The following AAMP variants were observed in gnomAD, a reference collection of about 807,000 sequenced individuals.
AAMP encodes angio-associated migratory cell protein.
A neutral mutation model predicts 51.1 loss-of-function variants in AAMP; 12 were observed. The ratio of observed to expected loss-of-function variants is 0.23; its 90% CI spans 0.15 to 0.38. The LOEUF (loss-of-function observed/expected upper bound fraction) is 0.38, where lower values mean the gene tolerates loss of function less well. Among genes scored for constraint, AAMP ranks in the 10% least tolerant of loss-of-function variants. The pLI is 1.00. For synonymous variants in AAMP, 210 were observed against 218.7 expected (o/e 0.96, Z 0.35); for missense variants, 418 against 557.2 (o/e 0.75, Z 2.52).
intron 2 of AAMP, 110 bp downstream of exon 2, chr2:218,269,272 C>T: frequency 7.0e-7 from 1 of 1,428,682 alleles, no homozygotes. Flanking sequence ...CAGCGCAAGG[C>T]CAGCATCTTG....
chr2:218,266,235 T>G lies in AAMP; in HGVS notation c.680-88A>C. The G allele has an allele frequency of 7.1e-7, 1 of 1,399,870 alleles. No homozygotes were observed. Among genetic ancestry groups the G allele is most frequent in the East Asian group, 2.3e-5 (1 of 43,796 alleles). 86.7% of individuals were successfully genotyped at this position (1,399,870 alleles called of 1,614,324 possible). A position where few individuals can be genotyped will look rare whatever the true frequency, so the allele number is the denominator to read the frequency against. On this transcript the variant is annotated intron_variant, in intron 5 of 10. Transcript: ENST00000248450. The surrounding 1 kb of genome is among the most constrained non-coding windows in gnomAD (Gnocchi z 4.7). ...TGGGGAGAGGGAGAGGAAAGAAGAG[T>G]GGAAGGGCCCAGACACTGCCCCAGG...
At chr2:218,269,724 A>G (rs1209574574) in intron 1 of AAMP, 190 bp from the exon 2 acceptor site, 12 of 1,088,210 alleles carry the variant, frequency 1.1e-5, no homozygotes, top group Non-Finnish European at 1.6e-5. Context: ...CCGTGCGGTA[A>G]GGGAGGGCCA....
At position 218,267,070 on chromosome 2, in the gene AAMP, T is replaced by A; in HGVS notation, c.395-84A>T. ...CATGTGATTCTGGTATCTGGCCCAC[T>A]GAAAGGACCAGCTAGGAAAAAAAGA... On this transcript the variant is annotated intron_variant, in intron 3 of 10. Coordinates refer to ENST00000248450, the MANE Select transcript of AAMP (RefSeq NM_001087.5). This position sits in a 1 kb window ranked among gnomAD's most constrained non-coding sequence, Gnocchi z 4.6. 1.3e-6 allele frequency: 2 copies of A among 1,529,920 alleles called. No individual in the cohort carries two copies. The highest frequency in any genetic ancestry group is 1.8e-6 in the Non-Finnish European group (2 of 1,115,512). 94.8% of individuals were successfully genotyped at this position (1,529,920 alleles called of 1,614,324 possible).
rs1229031116 is a variant in AAMP at position 218,265,623 on chromosome 2, C to G, written c.939G>C (p.Glu313Asp). 1 of 1,613,854 alleles carries G rather than the reference C, an allele frequency of 6.2e-7. No homozygotes were observed. The highest frequency in any genetic ancestry group is 8.5e-7 in the Non-Finnish European group (1 of 1,180,042). Residue 313 changes from glutamate (E) to aspartate (D), a missense_variant, in exon 8 of 11, where the codon GAG becomes GAC. Transcript: ENST00000248450. This position sits in a 1 kb window ranked among gnomAD's most constrained non-coding sequence, Gnocchi z 6.6. ...VASQPSLGEG[E>D]ESESNSVESL... is the part of the protein sequence containing the mutation. Reference sequence around the variant, plus strand: ...ACTCCACCGAGTTGGACTCACTCTCCTCCCCTTCTCCCAGGCTGGGCTGGG... The same window carrying G: ...ACTCCACCGAGTTGGACTCACTCTCGTCCCCTTCTCCCAGGCTGGGCTGGG...
At position 218,266,680 on chromosome 2, in the gene AAMP, G is replaced by A; in HGVS notation, c.535-93C>T. 1 of 1,554,276 alleles carries A rather than the reference G, an allele frequency of 6.4e-7. No individual in the cohort carries two copies. Among genetic ancestry groups the A allele is most frequent in the Non-Finnish European group, 8.7e-7 (1 of 1,146,082 alleles). ...GCTCCACCCAAGGTTTCCTGCCTCT[G>A]GGGTTCCGCGGGGACTTTCCAGGTA... On this transcript the variant is annotated intron_variant, in intron 4 of 10. Coordinates refer to ENST00000248450, the MANE Select transcript of AAMP (RefSeq NM_001087.5). The surrounding 1 kb of genome is among the most constrained non-coding windows in gnomAD (Gnocchi z 4.7).
In AAMP at chr2:218,267,630, T is replaced by A. The variant is rs1690664952; in HGVS notation, c.275-17A>T. 6.2e-7 allele frequency: 1 copy of A among 1,613,992 alleles called. No homozygotes were observed. On this transcript the variant is annotated splice_polypyrimidine_tract_variant and intron_variant, in intron 2 of 10. Coordinates refer to ENST00000248450, the MANE Select transcript of AAMP (RefSeq NM_001087.5). This position sits in a 1 kb window ranked among gnomAD's most constrained non-coding sequence, Gnocchi z 4.6. ...ACACAGATGCTGTCCCAAGAGATAT[T>A]CCATGGGTAAGGGGACAGAGCTCCC...
chr2:218,266,880 C>G lies in AAMP; in HGVS notation c.501G>C (p.Glu167Asp). 6.2e-7 allele frequency: 1 copy of G among 1,614,236 alleles called. No homozygotes were observed. Among genetic ancestry groups the G allele is most frequent in the Non-Finnish European group, 8.5e-7 (1 of 1,180,042 alleles). Residue 167 changes from glutamate to aspartate, a missense_variant, in exon 4 of 11, where the codon GAG becomes GAC. Transcript: ENST00000248450. This position sits in a 1 kb window ranked among gnomAD's most constrained non-coding sequence, Gnocchi z 4.7. ...LLKVWQVDTK[E>D]EVWSFEAGDL... The stretch of plus-strand genomic sequence containing the variant: ...CTCCCGCTTCAAAGGACCAGACCTC[C>G]TCCTTAGTGTCCACCTGCCACACTT...
rs1299989728 is a variant in AAMP at position 218,267,148 on chromosome 2, A to C, written c.395-162T>G. On this transcript the variant is annotated intron_variant, in intron 3 of 10. Transcript: ENST00000248450. This position sits in a 1 kb window ranked among gnomAD's most constrained non-coding sequence, Gnocchi z 4.6. Reference sequence around the variant, plus strand: ...GGAACTCACCACCACTCTAGGAACCAATACTCCCATGTCTGCTGGGAGACA... The same window carrying C: ...GGAACTCACCACCACTCTAGGAACCCATACTCCCATGTCTGCTGGGAGACA... Among the ~76,000 whole-genome samples the C allele has an allele frequency of 1.3e-5, 2 of 152,094 alleles. No individual in the cohort carries two copies. Among genetic ancestry groups the C allele is most frequent in the African/African-American group, 4.8e-5 (2 of 41,406 alleles).
intron 2 of AAMP, among the ~76,000 whole-genome samples, chr2:218,268,834 G>A (rs1690705059): frequency 6.6e-6 from 1 of 151,694 alleles, no homozygotes; most frequent in Non-Finnish European, 1.5e-5. Context: ...GAGGAGCTGG[G>A]ACTACAGGCG....
At chr2:218,269,282 G>A (rs1473383205) in intron 2 of AAMP, 100 bp downstream of exon 2, 4 of 1,478,492 alleles carry the variant, frequency 2.7e-6, no homozygotes, top group Non-Finnish European at 3.7e-6. Flanking sequence ...CCAGCATCTT[G>A]CCCATCTCTG....
chr2:218,264,197 A>C lies in AAMP; in HGVS notation c.*336T>G. 2.6e-6 allele frequency: 1 copy of C among 382,318 alleles called. No homozygotes were observed. Among genetic ancestry groups the C allele is most frequent in the Non-Finnish European group, 4.7e-6 (1 of 210,548 alleles). The allele number at this position is 382,318 out of a possible 1,614,324, so 23.7% of individuals were successfully genotyped here. On this transcript the variant is annotated 3_prime_UTR_variant, in exon 11 of 11. Coordinates refer to ENST00000248450, the MANE Select transcript of AAMP (RefSeq NM_001087.5). ...GTATCTCTTCCTCCTTTCCACCCCC[A>C]GAGACTTGGGAAGGGAAAGAACGGG...
In AAMP at chr2:218,265,918, G is replaced by A. The variant is rs771282361; in HGVS notation, c.792C>T (p.Thr264=). The change falls in exon 7 of 11, where the codon ACC becomes ACT. Residue 264 remains threonine (T), a synonymous_variant. Transcript: ENST00000248450. This position sits in a 1 kb window ranked among gnomAD's most constrained non-coding sequence, Gnocchi z 6.6. ...TGCCATCCTGGTTGGCAGCAACACA[G>A]GTGAGTGGGCCCTGGTGACCCTCAG... ...KGTEGHQGPL[T]CVAANQDGSL... is the part of the protein sequence containing the mutation. The A allele has an allele frequency of 6.2e-7, 1 of 1,613,986 alleles. No individual in the cohort carries two copies. The highest frequency in any genetic ancestry group is 2.2e-5 in the East Asian group (1 of 44,872).
In AAMP at chr2:218,265,707, A is replaced by C; in HGVS notation, c.880-25T>G. On this transcript the variant is annotated intron_variant, in intron 7 of 10. Coordinates refer to ENST00000248450, the MANE Select transcript of AAMP (RefSeq NM_001087.5). This position sits in a 1 kb window ranked among gnomAD's most constrained non-coding sequence, Gnocchi z 6.6. ...CCTGAAAGCCAGAGAGGATCAGAGG[A>C]GGACACGGAATCCGGGTGCTTGATG... 1 of 1,606,150 alleles carries C rather than the reference A, an allele frequency of 6.2e-7. No individual in the cohort carries two copies. The highest frequency in any genetic ancestry group is 8.5e-7 in the Non-Finnish European group (1 of 1,175,030).
Position 218,265,263 on chromosome 2 carries a change from C to A in AAMP, c.1075-89G>T. The A allele has an allele frequency of 6.4e-7, 1 of 1,556,282 alleles. No individual in the cohort carries two copies. The highest frequency in any genetic ancestry group is 8.7e-7 in the Non-Finnish European group (1 of 1,149,164). On this transcript the variant is annotated intron_variant, in intron 9 of 10. Coordinates refer to ENST00000248450, the MANE Select transcript of AAMP (RefSeq NM_001087.5). This position sits in a 1 kb window ranked among gnomAD's most constrained non-coding sequence, Gnocchi z 6.6. ...CAATTCTCAAAGAGGGACAGCCACA[C>A]ACAAGGGCCAGGCAGGAGCCAGATC...
chr2:218,266,637 T>G lies in AAMP; in HGVS notation c.535-50A>C. The G allele has an allele frequency of 6.3e-7, 1 of 1,583,088 alleles. No individual in the cohort carries two copies. The highest frequency in any genetic ancestry group is 8.6e-7 in the Non-Finnish European group (1 of 1,161,568). Reference sequence around the variant, plus strand: ...GGGAGGCCCGTCACCCCATCCCACCTAGAAGCCTGCCCCATGAGCTCCACC... The same window carrying G: ...GGGAGGCCCGTCACCCCATCCCACCGAGAAGCCTGCCCCATGAGCTCCACC... On this transcript the variant is annotated intron_variant, in intron 4 of 10. Transcript: ENST00000248450. The surrounding 1 kb of genome is among the most constrained non-coding windows in gnomAD (Gnocchi z 4.7).
chr2:218,265,630 T>C lies in AAMP; in HGVS notation c.932A>G (p.Glu311Gly). Residue 311 changes from glutamate to glycine, a missense_variant, in exon 8 of 11, where the codon GAA becomes GGA. Transcript: ENST00000248450. The surrounding 1 kb of genome is among the most constrained non-coding windows in gnomAD (Gnocchi z 6.6). ...CGAGTTGGACTCACTCTCCTCCCCTTCTCCCAGGCTGGGCTGGGAGGCCAC... is the reference window on the plus strand; with the variant it reads ...CGAGTTGGACTCACTCTCCTCCCCTCCTCCCAGGCTGGGCTGGGAGGCCAC... Reference protein sequence around the residue: ...ETVASQPSLGEGEESESNSVE... With the variant: ...ETVASQPSLGGGEESESNSVE... 6.2e-7 allele frequency: 1 copy of C among 1,613,546 alleles called. No individual in the cohort carries two copies. Among genetic ancestry groups the C allele is most frequent in the African/African-American group, 1.3e-5 (1 of 74,938 alleles).
chr2:218,266,662 C>T lies in AAMP; in HGVS notation c.535-75G>A, dbSNP rs1480373230. The stretch of plus-strand genomic sequence containing the variant: ...TAGAAGCCTGCCCCATGAGCTCCAC[C>T]CAAGGTTTCCTGCCTCTGGGGTTCC... On this transcript the variant is annotated intron_variant, in intron 4 of 10. Coordinates refer to ENST00000248450, the MANE Select transcript of AAMP (RefSeq NM_001087.5). This position sits in a 1 kb window ranked among gnomAD's most constrained non-coding sequence, Gnocchi z 4.7. The T allele has an allele frequency of 6.4e-7, 1 of 1,567,394 alleles. No homozygotes were observed. The highest frequency in any genetic ancestry group is 8.7e-7 in the Non-Finnish European group (1 of 1,153,498).
Position 218,267,814 on chromosome 2 carries a change from G to A in AAMP, c.275-201C>T, listed in dbSNP as rs1690669469. Among the ~76,000 whole-genome samples, 1 of 152,174 alleles carries A rather than the reference G, an allele frequency of 6.6e-6. No individual in the cohort carries two copies. Among genetic ancestry groups the A allele is most frequent in the African/African-American group, 2.4e-5 (1 of 41,446 alleles). ...TATTTGCCAAGCTCCCTATTTGCCA[G>A]AGTAGATCCCCTCACTGTGTGACTC... On this transcript the variant is annotated intron_variant, in intron 2 of 10. Coordinates refer to ENST00000248450, the MANE Select transcript of AAMP (RefSeq NM_001087.5). The surrounding 1 kb of genome is among the most constrained non-coding windows in gnomAD (Gnocchi z 4.6).
chr2:218,269,967 T>C lies in AAMP; in HGVS notation c.120A>G (p.Pro40=), dbSNP rs200166567. 18 of 1,614,106 alleles carry C rather than the reference T, an allele frequency of 1.1e-5. No homozygotes were observed. The Admixed American group carries it at 1.3e-4, about 12-fold the overall frequency. Residue 40 remains proline (P), a splice_region_variant and synonymous_variant, in exon 1 of 11, where the codon CCA becomes CCG. Transcript: ENST00000248450. The part of the protein sequence containing the change: ...VVELDPGPPD[P]DDLAQEMEDV... ...GGCCTGAGGAGCGGCAGTTCTCACCTGGGTCCGGCGGACCGGGATCAAGTT... is the reference window on the plus strand; with the variant it reads ...GGCCTGAGGAGCGGCAGTTCTCACCCGGGTCCGGCGGACCGGGATCAAGTT...
Sources: allele counts gnomAD v4.1 joint callset (sites outside exome capture counted in the v4.1 genomes callset), GRCh38; gene constraint gnomAD v4.1.1; non-coding constraint Gnocchi (gnomAD v3.1); transcripts MANE v1.5; gene names NCBI Gene and HGNC (gene_info 2026-07-23, HGNC 2026-07-21).